Variants in DACH2 observed in about 807,000 individuals in gnomAD.
DACH2 encodes dachshund family transcription factor 2, also known as dachshund homolog 2.
A neutral mutation model predicts 35.8 loss-of-function variants in DACH2; 17 were observed. That is an observed-to-expected ratio of 0.48 (90% confidence interval 0.33 to 0.71). The LOEUF is 0.71. Ranked by LOEUF, DACH2 falls within the 30% of genes least tolerant of loss-of-function variation. The pLI, the probability that DACH2 is intolerant of heterozygous loss-of-function variation, is 0.02. For synonymous variants in DACH2, 195 were observed against 177.3 expected (o/e 1.10, Z -0.79); for missense variants, 469 against 472.7 (o/e 0.99, Z 0.07).
chrX:86,556,789 TATATATAGAGAG>T (rs1210979470), intron 3 of DACH2, among the ~76,000 whole-genome samples: 217 of 37,127 alleles, frequency 5.8e-3, no homozygotes, highest in African/African-American at 0.014. Flanking sequence ...TATATATATA[TATATATAGAGAG>T]AGAGAGAGAG....
intron 7 of DACH2, among the ~76,000 whole-genome samples, chrX:86,747,478 A>G (rs2041725810): frequency 9.0e-6 from 1 of 111,659 alleles, no homozygotes; most frequent in Non-Finnish European, 1.9e-5. Flanking sequence ...ACCACGATAA[A>G]GCATATATTG....
intron 3 of DACH2, among the ~76,000 whole-genome samples, chrX:86,632,086 A>G (rs1387744299): frequency 8.9e-6 from 1 of 112,022 alleles, no homozygotes; most frequent in Non-Finnish European, 1.9e-5. Context: ...CAGAAAAGTT[A>G]TATGATGCAA....
At chrX:86,257,753 C>T (rs1383447830) in intron 1 of DACH2, among the ~76,000 whole-genome samples, 1 of 112,184 alleles carries the variant, frequency 8.9e-6, no homozygotes, top group Admixed American at 9.4e-5. Flanking sequence ...AAAAAAAATG[C>T]CTGATTATTG....
intron 7 of DACH2, among the ~76,000 whole-genome samples, chrX:86,756,671 A>T (rs755248771): frequency 2.1e-4 from 23 of 111,054 alleles, no homozygotes; most frequent in Admixed American, 3.9e-4. Flanking sequence ...AGATTATGTC[A>T]TCTGCAAACA....
chrX:86,434,364 G>C (rs1024560963), intron 2 of DACH2, among the ~76,000 whole-genome samples: 1 of 111,408 alleles, frequency 9.0e-6, no homozygotes, highest in Non-Finnish European at 1.9e-5. Context: ...ACATTTTAAA[G>C]TGTACCTTTT....
At chrX:86,302,819 T>G (rs1399321086) in intron 1 of DACH2, among the ~76,000 whole-genome samples, 2 of 110,172 alleles carry the variant, frequency 1.8e-5, no homozygotes, top group East Asian at 5.6e-4. Flanking sequence ...AGCCTAAAGA[T>G]TCTTAGGAAT....
At chrX:86,340,224 C>T (rs1041272333) in intron 1 of DACH2, among the ~76,000 whole-genome samples, 8 of 111,226 alleles carry the variant, frequency 7.2e-5, no homozygotes, top group Admixed American at 9.6e-5. Context: ...GTGGCAACCC[C>T]GGATCAAACA....
intron 3 of DACH2, among the ~76,000 whole-genome samples, chrX:86,616,030 G>A (rs1048077093): frequency 7.2e-5 from 8 of 110,835 alleles, no homozygotes; most frequent in African/African-American, 1.3e-4. Flanking sequence ...TATGGTATTC[G>A]TTCTGTTTCT....
At chrX:86,546,765 C>T (rs903777429) in intron 3 of DACH2, among the ~76,000 whole-genome samples, 5 of 109,281 alleles carry the variant, frequency 4.6e-5, no homozygotes, top group Admixed American at 3.0e-4. Context: ...CTGCCAGCCT[C>T]GGCCTCCCAA....
intron 2 of DACH2, among the ~76,000 whole-genome samples, chrX:86,439,307 G>C (rs765858467): frequency 8.9e-6 from 1 of 111,748 alleles, no homozygotes; most frequent in Non-Finnish European, 1.9e-5. Context: ...TCAGTCCCTT[G>C]TTGGATGAAT....
chrX:86,432,134 G>A (rs920104657), intron 2 of DACH2, among the ~76,000 whole-genome samples: 8 of 112,067 alleles, frequency 7.1e-5, no homozygotes, highest in African/African-American at 2.3e-4. Flanking sequence ...ACTGAAACAC[G>A]CTTCAACAGA....
At chrX:86,472,031 T>G (rs1215856367) in intron 2 of DACH2, among the ~76,000 whole-genome samples, 2 of 112,431 alleles carry the variant, frequency 1.8e-5, no homozygotes, top group African/African-American at 3.2e-5. Context: ...TAAAAATGAT[T>G]AATTGGTTAA....
At chrX:86,430,355 T>G (rs56026482) in intron 2 of DACH2, among the ~76,000 whole-genome samples, 4,150 of 112,085 alleles carry the variant, frequency 0.037, 84 homozygotes, top group East Asian at 0.21. Context: ...AAATAACTCA[T>G]TAATAATTTT....
At chrX:86,206,172 A>G (rs111778873) in intron 1 of DACH2, among the ~76,000 whole-genome samples, 3,533 of 110,653 alleles carry the variant, frequency 0.032, 145 homozygotes, top group African/African-American at 0.11. Context: ...GATGAACTAC[A>G]CTCATGTTAT....
At chrX:86,200,206 A>G (rs1047922616) in intron 1 of DACH2, among the ~76,000 whole-genome samples, 1 of 111,303 alleles carries the variant, frequency 9.0e-6, no homozygotes, top group Non-Finnish European at 1.9e-5. Context: ...AGGACTCCCT[A>G]TTCAATAAAT....
chrX:86,617,948 A>C (rs900458905), intron 3 of DACH2, among the ~76,000 whole-genome samples: 1 of 112,317 alleles, frequency 8.9e-6, no homozygotes, highest in African/African-American at 3.2e-5. Flanking sequence ...TTCTTTTAAG[A>C]TTATGATGAG....
intron 1 of DACH2, among the ~76,000 whole-genome samples, chrX:86,344,720 C>G (rs1417354605): frequency 9.0e-6 from 1 of 110,721 alleles, no homozygotes; most frequent in Non-Finnish European, 1.9e-5. Context: ...TTTTTCTGTT[C>G]TTATGTACTT....
At chrX:86,492,314 C>T (rs971154382) in intron 2 of DACH2, among the ~76,000 whole-genome samples, 9 of 111,616 alleles carry the variant, frequency 8.1e-5, no homozygotes, top group African/African-American at 2.9e-4. Flanking sequence ...GTACTGATCT[C>T]CTAGCAGCTA....
chrX:86,295,142 C>G (rs760355806), intron 1 of DACH2, among the ~76,000 whole-genome samples: 154 of 110,856 alleles, frequency 1.4e-3, no homozygotes, highest in African/African-American at 4.9e-3. Flanking sequence ...TTAAGCCCAT[C>G]GGAAAAGCAC....
Sources: allele counts gnomAD v4.1 joint callset (sites outside exome capture counted in the v4.1 genomes callset), GRCh38; gene constraint gnomAD v4.1.1; transcripts MANE v1.5; gene names NCBI Gene and HGNC (gene_info 2026-07-23, HGNC 2026-07-21).